D2HGDH: variants seen among roughly 807,000 people sequenced by gnomAD.
The protein encoded by D2HGDH is D-2-hydroxyglutarate dehydrogenase, mitochondrial.
D2HGDH carries 31 observed loss-of-function variants against 46.9 expected under a neutral mutation model. The observed-to-expected ratio is 0.66, with a 90% CI of 0.50 to 0.89. The LOEUF is 0.89. Among genes scored for constraint, D2HGDH ranks in the 40% least tolerant of loss-of-function variants. The probability of loss-of-function intolerance (pLI) is 0.00; values close to 1 mark genes in which losing one functional copy is unlikely to be tolerated. For missense variants in D2HGDH, 698 were observed against 720.8 expected, an observed-to-expected ratio of 0.97 and a Z score of 0.36; for synonymous variants, 364 against 332.6, an observed-to-expected ratio of 1.09 and a Z score of -1.03.
intron 7 of D2HGDH, 79 bp from the exon 8 acceptor site, chr2:241,751,167 C>T (rs1327489188): frequency 1.3e-6 from 2 of 1,595,478 alleles, no homozygotes; most frequent in African/African-American, 2.7e-5. Context: ...GCTATTACAG[C>T]TGTTCTGCCC....
intron 8 of D2HGDH, chr2:241,754,972 G>T (rs1031993272): frequency 2.8e-5 from 35 of 1,232,130 alleles, no homozygotes; most frequent in Non-Finnish European, 3.2e-5. Context: ...TTGAGCCCTG[G>T]GTAGGACCCT....
intron 8 of D2HGDH, among the ~76,000 whole-genome samples, chr2:241,751,775 C>T (rs1267851868): frequency 6.6e-6 from 1 of 152,078 alleles, no homozygotes; most frequent in Non-Finnish European, 1.5e-5. Flanking sequence ...TTAGCCTGGA[C>T]CTCGGGAGTC....
chr2:241,752,251 C>T (rs139941096), intron 8 of D2HGDH, among the ~76,000 whole-genome samples: 121 of 152,270 alleles, frequency 7.9e-4, no homozygotes, highest in African/African-American at 2.8e-3. Flanking sequence ...GGTGTCTGCT[C>T]CCAAGGGCTG....
Position 241,735,188 on chromosome 2 carries a change from C to G in D2HGDH, c.-37C>G. ...CTCCGGGCCCTGAGTACCGGCCCCCCACCAAGGAGGAGCCCGAGGTCTCCG... is the reference window on the plus strand; with the variant it reads ...CTCCGGGCCCTGAGTACCGGCCCCCGACCAAGGAGGAGCCCGAGGTCTCCG... On this transcript the variant is annotated 5_prime_UTR_variant, in exon 2 of 10. Coordinates refer to ENST00000321264, the MANE Select transcript of D2HGDH (RefSeq NM_152783.5). 7.4e-6 allele frequency: 11 copies of G among 1,493,898 alleles called. No homozygotes were observed. The highest frequency in any genetic ancestry group is 8.8e-6 in the Non-Finnish European group (10 of 1,130,854). 92.5% of individuals were successfully genotyped at this position (1,493,898 alleles called of 1,614,324 possible). A position where few individuals can be genotyped will look rare whatever the true frequency, so the allele number is the denominator to read the frequency against.
intron 9 of D2HGDH, among the ~76,000 whole-genome samples, chr2:241,765,015 G>A (rs1415434191): frequency 6.6e-6 from 1 of 152,216 alleles, no homozygotes; most frequent in African/African-American, 2.4e-5. Context: ...TGTGGGCTAA[G>A]TGGACCAGAG....
intron 5 of D2HGDH, among the ~76,000 whole-genome samples, chr2:241,744,105 G>A (rs1047072715): frequency 6.6e-6 from 1 of 152,198 alleles, no homozygotes; most frequent in Non-Finnish European, 1.5e-5. Flanking sequence ...GCTTCTGGGA[G>A]CCGGGTGTGA....
At position 241,755,724 on chromosome 2, in the gene D2HGDH, G is replaced by A. The variant is rs757451426; in HGVS notation, c.1141-125G>A. The A allele has an allele frequency of 3.5e-5, 56 of 1,584,420 alleles. 1 individual carries two copies. The highest frequency in any genetic ancestry group is 2.8e-4 in the East Asian group (10 of 35,908). On this transcript the variant is annotated intron_variant, in intron 8 of 9. Transcript: ENST00000321264. ...ACCTGGTCTGGGGCATTTGCTGTCCGGGGTCGGAGCCTCACCTGGTGAAGA... is the reference window on the plus strand; with the variant it reads ...ACCTGGTCTGGGGCATTTGCTGTCCAGGGTCGGAGCCTCACCTGGTGAAGA...
chr2:241,741,061 G>A lies in D2HGDH; in HGVS notation c.321G>A (p.Arg107=). ...RGCSKVLLRP[R]TSEEVSHILR... The stretch of plus-strand genomic sequence containing the variant: ...GTAGCAAGGTGCTGCTGAGGCCACG[G>A]ACGTCGGAGGAGGTGTCCCACATCC... The change falls in exon 3 of 10, where the codon CGG becomes CGA. Residue 107 remains arginine, a synonymous_variant. Transcript: ENST00000321264. The A allele has an allele frequency of 6.2e-7, 1 of 1,614,076 alleles. No homozygotes were observed. The highest frequency in any genetic ancestry group is 8.5e-7 in the Non-Finnish European group (1 of 1,180,024).
chr2:241,755,593 C>G (rs1480981043), intron 8 of D2HGDH: 1 of 1,491,914 alleles, frequency 6.7e-7, no homozygotes, highest in African/African-American at 1.4e-5. Flanking sequence ...CATTCACTGT[C>G]TGGGATTGAT....
At chr2:241,752,240 C>T (rs769755835) in intron 8 of D2HGDH, among the ~76,000 whole-genome samples, 9 of 152,166 alleles carry the variant, frequency 5.9e-5, no homozygotes, top group Non-Finnish European at 8.8e-5. Context: ...CTGGGCAAAA[C>T]GGTGTCTGCT....
chr2:241,744,978 C>A, intron 6 of D2HGDH, 101 bp downstream of exon 6: 2 of 1,421,542 alleles, frequency 1.4e-6, no homozygotes, highest in South Asian at 1.2e-5. Flanking sequence ...AGGGACCCCC[C>A]GCCAAGGACA....
intron 9 of D2HGDH, among the ~76,000 whole-genome samples, chr2:241,762,706 G>A (rs148300665): frequency 3.9e-5 from 6 of 152,140 alleles, no homozygotes; most frequent in African/African-American, 9.7e-5. Context: ...GTTCTCTGCC[G>A]TGTGTGATCG....
In D2HGDH at chr2:241,755,736, T is replaced by A. The variant is rs142763560; in HGVS notation, c.1141-113T>A. 4,212 of 1,594,110 alleles carry A rather than the reference T, an allele frequency of 2.6e-3. 88 individuals carry two copies. The East Asian group carries it at 0.066, about 25-fold the overall frequency. ...GCATTTGCTGTCCGGGGTCGGAGCC[T>A]CACCTGGTGAAGATACAGAACATGC... On this transcript the variant is annotated intron_variant, in intron 8 of 9. Transcript: ENST00000321264.
At position 241,735,197 on chromosome 2, in the gene D2HGDH, G is replaced by GGAGCCC; in HGVS notation, c.-24_-19dup. 6.7e-7 allele frequency: 1 copy of GGAGCCC among 1,499,790 alleles called. No individual in the cohort carries two copies. The allele number at this position is 1,499,790 out of a possible 1,614,324, so 92.9% of individuals were successfully genotyped here. A position where few individuals can be genotyped will look rare whatever the true frequency, so the allele number is the denominator to read the frequency against. The stretch of plus-strand genomic sequence containing the variant: ...CTGAGTACCGGCCCCCCACCAAGGA[G>GGAGCCC]GAGCCCGAGGTCTCCGTCCCGGCGG... On this transcript the variant is annotated 5_prime_UTR_variant, in exon 2 of 10. Transcript: ENST00000321264.
intron 7 of D2HGDH, 99 bp downstream of exon 7, chr2:241,750,393 C>CT: frequency 1.6e-5 from 8 of 489,036 alleles, no homozygotes; most frequent in Middle Eastern, 7.7e-4. Flanking sequence ...CGGGGGGTGC[C>CT]CGGGCGGGCG....
In D2HGDH at chr2:241,744,756, G is replaced by A. The variant is rs746539550; in HGVS notation, c.732G>A (p.Lys244=). Residue 244 remains lysine (K), a synonymous_variant, in exon 6 of 10, where the codon AAG becomes AAA. Coordinates refer to ENST00000321264, the MANE Select transcript of D2HGDH (RefSeq NM_152783.5). ...TVLDCLTSLR[K]DNTGYDLKQL... is the part of the protein sequence containing the mutation. The stretch of plus-strand genomic sequence containing the variant: ...TGGACTGCCTGACCTCCCTGAGGAA[G>A]GACAACACGGGCTATGACCTGAAGC... 3 of 1,614,148 alleles carry A rather than the reference G, an allele frequency of 1.9e-6. No homozygotes were observed. The highest frequency in any genetic ancestry group is 3.3e-5 in the Admixed American group (2 of 60,012).
Position 241,743,488 on chromosome 2 carries a change from TC to T in D2HGDH, c.491-133del. The T allele has an allele frequency of 1.0e-6, 1 of 980,226 alleles. No individual in the cohort carries two copies. The highest frequency in any genetic ancestry group is 1.5e-6 in the Non-Finnish European group (1 of 647,856). 60.7% of individuals were successfully genotyped at this position (980,226 alleles called of 1,614,324 possible). A position where few individuals can be genotyped will look rare whatever the true frequency, so the allele number is the denominator to read the frequency against. ...CTTGGGCCAGCGATGTGGGGGTGCC[TC>T]TTCTCCTCAGCCCTGGCGCTGAGGC... On this transcript the variant is annotated intron_variant, in intron 4 of 9. Coordinates refer to ENST00000321264, the MANE Select transcript of D2HGDH (RefSeq NM_152783.5). The surrounding 1 kb of genome is among the most constrained non-coding windows in gnomAD (Gnocchi z 4.8).
intron 6 of D2HGDH, among the ~76,000 whole-genome samples, chr2:241,747,119 G>C (rs548095535): frequency 1.3e-5 from 2 of 151,994 alleles, no homozygotes; most frequent in African/African-American, 2.4e-5. Flanking sequence ...AAAAAATTTT[G>C]TATGTAGAAA....
At chr2:241,738,938 C>G (rs1399515790) in intron 2 of D2HGDH, among the ~76,000 whole-genome samples, 1 of 152,250 alleles carries the variant, frequency 6.6e-6, no homozygotes, top group Non-Finnish European at 1.5e-5. Flanking sequence ...GAGAGCTTGT[C>G]TAGACTTCTG....
Sources: gnomAD v4.1 joint callset for allele counts (sites outside exome capture counted in the v4.1 genomes callset) on GRCh38, gnomAD v4.1.1 for gene constraint, Gnocchi (gnomAD v3.1) non-coding constraint, MANE v1.5 for transcripts, NCBI Gene and HGNC (gene_info 2026-07-23, HGNC 2026-07-21) for gene names.